The following TLR5 variants were observed in gnomAD, a reference collection of about 807,000 sequenced individuals.
TLR5 encodes toll-like receptor 5.
For missense variants in TLR5, 944 were observed against 999.8 expected, an observed-to-expected ratio of 0.94 and a Z score of 0.75; for synonymous variants, 373 against 384.4, an observed-to-expected ratio of 0.97 and a Z score of 0.35.
At position 223,112,700 on chromosome 1, in the gene TLR5, T is replaced by C. The variant is rs1451051269; in HGVS notation, c.332A>G (p.His111Arg). Residue 111 changes from histidine (H) to arginine (R), a missense_variant, in exon 6 of 6, where the codon CAT becomes CGT. By Grantham distance (29) the His-to-Arg change is conservative. Coordinates refer to ENST00000642603, the MANE Select transcript of TLR5 (RefSeq NM_003268.6). ...GAACAGTCCCTGAAAAGCATCTGGA[T>C]GCAAGAAGTATATCTTACTACTTCC... ...DLGSSKIYFL[H>R]PDAFQGLFHL... The C allele has an allele frequency of 1.9e-6, 3 of 1,614,132 alleles. No individual in the cohort carries two copies. Among genetic ancestry groups the C allele is most frequent in the East Asian group, 2.2e-5 (1 of 44,906 alleles).
chr1:223,118,965 A>G (rs922299650), intron 5 of TLR5, among the ~76,000 whole-genome samples: 2 of 152,062 alleles, frequency 1.3e-5, no homozygotes, highest in Non-Finnish European at 2.9e-5. Flanking sequence ...TTAGCCAGGC[A>G]TGGTGGCACG....
At chr1:223,113,058 A>C (rs533731475) in intron 5 of TLR5, 23 bp from the exon 6 acceptor site, 2 of 1,613,114 alleles carry the variant, frequency 1.2e-6, no homozygotes. Context: ...AGGGAGAATG[A>C]AAACACAGGC....
chr1:223,138,050 C>T (rs1373560922), intron 2 of TLR5, among the ~76,000 whole-genome samples: 2 of 131,220 alleles, frequency 1.5e-5, no homozygotes, highest in South Asian at 2.5e-4. Flanking sequence ...CCTTGAACTC[C>T]GGGGTTCAAG....
Position 223,124,870 on chromosome 1 carries a change from C to T in TLR5, c.-5+7605G>A, listed in dbSNP as rs551287531. Reference sequence around the variant, plus strand: ...CCACCTGCCTCAGCCTTCAGAATTGCTAGGATTACAGGCCTGAGCCACCGC... The same window carrying T: ...CCACCTGCCTCAGCCTTCAGAATTGTTAGGATTACAGGCCTGAGCCACCGC... On this transcript the variant is annotated intron_variant, in intron 5 of 5. Transcript: ENST00000642603. Among the ~76,000 whole-genome samples the T allele has an allele frequency of 1.1e-4, 17 of 152,112 alleles. 1 individual carries two copies. The highest frequency in any genetic ancestry group is 8.3e-4 in the South Asian group (4 of 4,816).
At chr1:223,139,258 C>G (rs1657742793) in intron 2 of TLR5, among the ~76,000 whole-genome samples, 1 of 152,192 alleles carries the variant, frequency 6.6e-6, no homozygotes, top group Admixed American at 6.5e-5. Flanking sequence ...CACTCTGGTT[C>G]AGCCTACCAT....
rs1307262401 is a variant in TLR5, at chr1:223,132,566, T to C, written c.-96A>G. 6.6e-6 allele frequency: 1 copy of C among 152,306 alleles called. No homozygotes were observed. The highest frequency in any genetic ancestry group is 2.4e-5 in the African/African-American group (1 of 41,446). The allele number at this position is 152,306 out of a possible 1,614,324, so 9.4% of individuals were successfully genotyped here. On this transcript the variant is annotated 5_prime_UTR_variant, in exon 5 of 6. Coordinates refer to ENST00000642603, the MANE Select transcript of TLR5 (RefSeq NM_003268.6). ...TTAAAGACTTCAGTTCCTGAGACTA[T>C]AGGAATCTCATCACAGTGATGGTAG...
chr1:223,111,800 C>T lies in TLR5; in HGVS notation c.1232G>A (p.Ser411Asn). 1 of 1,614,152 alleles carries T rather than the reference C, an allele frequency of 6.2e-7. No homozygotes were observed. Among genetic ancestry groups the T allele is most frequent in the Non-Finnish European group, 8.5e-7 (1 of 1,180,054 alleles). Residue 411 changes from serine (S) to asparagine (N), a missense_variant, in exon 6 of 6, where the codon AGT becomes AAT. By Grantham distance (46) the Ser-to-Asn change is conservative (BLOSUM62 1). Coordinates refer to ENST00000642603, the MANE Select transcript of TLR5 (RefSeq NM_003268.6). ...TGGCAAAGTCACTAGTTTATTGCCA[C>T]TCAAGAAGATATCGGGTATGCTTGG... ...FIPSIPDIFL[S>N]GNKLVTLPKI...
chr1:223,119,039 G>T (rs967778868), intron 5 of TLR5, among the ~76,000 whole-genome samples: 1 of 152,064 alleles, frequency 6.6e-6, no homozygotes, highest in Non-Finnish European at 1.5e-5. Context: ...AGGAGGCAGA[G>T]GTTGCAGTGA....
rs1656245570 is a variant in TLR5 at position 223,110,167 on chromosome 1, C to T, written c.*288G>A. 2 of 435,536 alleles carry T rather than the reference C, an allele frequency of 4.6e-6. No individual in the cohort carries two copies. The highest frequency in any genetic ancestry group is 4.0e-5 in the Admixed American group (1 of 24,788). The allele number at this position is 435,536 out of a possible 1,614,324, so 27.0% of individuals were successfully genotyped here. ...GCCCTTCCCATGATTAGGATACATT[C>T]CATAATCAACACAGCAGGACAGAAC... is the stretch of plus-strand genomic sequence containing the variant. On this transcript the variant is annotated 3_prime_UTR_variant, in exon 6 of 6. Coordinates refer to ENST00000642603, the MANE Select transcript of TLR5 (RefSeq NM_003268.6).
At chr1:223,116,740 T>C (rs1036094627) in intron 5 of TLR5, among the ~76,000 whole-genome samples, 1 of 152,164 alleles carries the variant, frequency 6.6e-6, no homozygotes, top group Non-Finnish European at 1.5e-5. Flanking sequence ...AGGGTGCTGA[T>C]TGGTGCATTT....
At chr1:223,140,439 T>C (rs1420317699) in intron 2 of TLR5, among the ~76,000 whole-genome samples, 1 of 150,610 alleles carries the variant, frequency 6.6e-6, no homozygotes, top group Non-Finnish European at 1.5e-5. Flanking sequence ...CTCAGCTACT[T>C]GGGAGGCTGA....
chr1:223,124,560 A>G (rs1031523617), intron 5 of TLR5, among the ~76,000 whole-genome samples: 4 of 152,178 alleles, frequency 2.6e-5, no homozygotes, highest in African/African-American at 9.7e-5. Context: ...TTTGAAAATG[A>G]CCTGCAGTTT....
At chr1:223,142,645 G>C (rs749770501) in intron 1 of TLR5, among the ~76,000 whole-genome samples, 36 of 152,154 alleles carry the variant, frequency 2.4e-4, no homozygotes, top group Non-Finnish European at 2.4e-4. Context: ...TCAACATAAA[G>C]GCCAGCAATA....
intron 5 of TLR5, among the ~76,000 whole-genome samples, chr1:223,130,789 C>T (rs898590414): frequency 2.0e-5 from 3 of 152,216 alleles, no homozygotes; most frequent in Non-Finnish European, 4.4e-5. Flanking sequence ...TGAGACCTTT[C>T]TCACTGGTCA....
intron 5 of TLR5, among the ~76,000 whole-genome samples, chr1:223,120,469 G>A (rs925221966): frequency 2.6e-5 from 4 of 152,166 alleles, no homozygotes; most frequent in Non-Finnish European, 5.9e-5. Flanking sequence ...CTGATGTCTC[G>A]TGTCTCCCTA....
chr1:223,118,126 A>G (rs987394672), intron 5 of TLR5, among the ~76,000 whole-genome samples: 72 of 152,336 alleles, frequency 4.7e-4, no homozygotes, highest in African/African-American at 1.3e-3. Flanking sequence ...GAGACATGAG[A>G]CATCAGTCAG....
At position 223,110,177 on chromosome 1, in the gene TLR5, C is replaced by T. The variant is rs5744180; in HGVS notation, c.*278G>A. ...TGATTAGGATACATTCCATAATCAA[C>T]ACAGCAGGACAGAACGGTATTATTG... is the stretch of plus-strand genomic sequence containing the variant. On this transcript the variant is annotated 3_prime_UTR_variant, in exon 6 of 6. Transcript: ENST00000642603. 650 of 455,288 alleles carry T rather than the reference C, an allele frequency of 1.4e-3. 5 individuals are homozygous for T. The highest frequency in any genetic ancestry group is 0.012 in the African/African-American group (589 of 50,738). 28.2% of individuals were successfully genotyped at this position (455,288 alleles called of 1,614,324 possible). A position where few individuals can be genotyped will look rare whatever the true frequency, so the allele number is the denominator to read the frequency against.
intron 5 of TLR5, among the ~76,000 whole-genome samples, chr1:223,125,919 C>T (rs1023660905): frequency 1.3e-5 from 2 of 152,100 alleles, no homozygotes; most frequent in Non-Finnish European, 2.9e-5. Flanking sequence ...AGCTTAGAAC[C>T]ATGTGGGCTG....
chr1:223,137,950 A>ATTT (rs3044335), intron 2 of TLR5, among the ~76,000 whole-genome samples: 928 of 84,422 alleles, frequency 0.011, 130 homozygotes, highest in African/African-American at 0.044. Context: ...GGCTTTTTAA[A>ATTT]TTTTTTTTTT....
Sources: allele counts gnomAD v4.1 joint callset (sites outside exome capture counted in the v4.1 genomes callset), GRCh38; gene constraint gnomAD v4.1.1; transcripts MANE v1.5; gene names NCBI Gene and HGNC (gene_info 2026-07-23, HGNC 2026-07-21).